SYT14: variants seen among roughly 807,000 people sequenced by gnomAD.
SYT14 encodes the protein synaptotagmin 14.
SYT14 carries 32 observed loss-of-function variants against 74.2 expected under a neutral mutation model. The ratio of observed to expected loss-of-function variants is 0.43; its 90% CI spans 0.33 to 0.58. The LOEUF (loss-of-function observed/expected upper bound fraction) is 0.58. Ranked by LOEUF, SYT14 falls within the 20% of genes least tolerant of loss-of-function variation. The probability of loss-of-function intolerance (pLI) is 0.05; values close to 1 mark genes in which losing one functional copy is unlikely to be tolerated. For synonymous variants in SYT14, 298 were observed against 337.7 expected (o/e 0.88, Z 1.29); for missense variants, 791 against 981.8 (o/e 0.81, Z 2.60).
chr1:209,939,645 A>G lies in SYT14; in HGVS notation c.-534+1368A>G, dbSNP rs532012894. ...TCCTTTTACCAAAGGTTAAAAATCAAGAAACCAAACCCACTGATTTATGTT... is the reference window on the plus strand; with the variant it reads ...TCCTTTTACCAAAGGTTAAAAATCAGGAAACCAAACCCACTGATTTATGTT... On this transcript the variant is annotated intron_variant, in intron 1 of 9. Coordinates refer to ENST00000637265, the Ensembl canonical transcript of SYT14. 2.6e-3 allele frequency among the ~76,000 whole-genome samples: 390 copies of G among 152,338 alleles called. 2 individuals carry two copies. Among genetic ancestry groups the G allele is most frequent in the African/African-American group, 8.9e-3 (371 of 41,574 alleles).
exon 10 of SYT14, chr1:210,163,876 A>G (rs780165208): frequency 5.1e-5 from 23 of 453,640 alleles, no homozygotes; most frequent in Non-Finnish European, 9.7e-5. Flanking sequence ...GCAAATAGGG[A>G]CCTACTGGTA....
intron 5 of SYT14, among the ~76,000 whole-genome samples, chr1:210,039,404 AAC>A (rs1219333366): frequency 6.6e-6 from 1 of 152,154 alleles, no homozygotes; most frequent in Admixed American, 6.6e-5. Flanking sequence ...TAAAGACTTA[AAC>A]GTAAGACCTA....
At chr1:209,970,676 T>TA (rs1558100236) in intron 2 of SYT14, among the ~76,000 whole-genome samples, 22 of 39,002 alleles carry the variant, frequency 5.6e-4, no homozygotes, top group African/African-American at 1.3e-3. Flanking sequence ...TTTTTTTTTT[T>TA]TTTTTTTTTT....
intron 2 of SYT14, among the ~76,000 whole-genome samples, chr1:209,965,437 C>G (rs552397301): frequency 1.3e-5 from 2 of 152,170 alleles, no homozygotes; most frequent in African/African-American, 4.8e-5. Flanking sequence ...ATATGTACCA[C>G]GTTTTCTTTA....
chr1:210,118,937 A>G (rs558606879), intron 7 of SYT14, among the ~76,000 whole-genome samples: 1 of 152,288 alleles, frequency 6.6e-6, no homozygotes, highest in African/African-American at 2.4e-5. Flanking sequence ...GCTAATCTAA[A>G]ATAACAATAA....
chr1:210,155,818 T>C (rs1441049237), exon 8 of SYT14: 2 of 1,614,028 alleles, frequency 1.2e-6, no homozygotes, highest in African/African-American at 1.3e-5. Context: ...GAAATTCTTA[T>C]TGGCCTGCTT....
At chr1:210,088,979 G>A (rs1234255714) in intron 5 of SYT14, among the ~76,000 whole-genome samples, 3 of 150,884 alleles carry the variant, frequency 2.0e-5, no homozygotes, top group Admixed American at 6.6e-5. Flanking sequence ...TGCTGCAACC[G>A]TCAATCTATC....
chr1:210,145,117 C>T (rs1180661937), intron 7 of SYT14, among the ~76,000 whole-genome samples: 2 of 152,150 alleles, frequency 1.3e-5, no homozygotes, highest in Non-Finnish European at 2.9e-5. Flanking sequence ...ATTACTACAA[C>T]TATAACGTGT....
exon 4 of SYT14, chr1:210,015,809 G>T: frequency 1.9e-6 from 2 of 1,051,684 alleles, no homozygotes; most frequent in Non-Finnish European, 2.4e-6. Flanking sequence ...TTTTCCGGAA[G>T]AATCTTTACT....
chr1:210,057,241 G>C (rs2081116754), intron 5 of SYT14, among the ~76,000 whole-genome samples: 1 of 152,136 alleles, frequency 6.6e-6, no homozygotes, highest in Admixed American at 6.5e-5. Context: ...TTCTCCCATT[G>C]TTTAAAACCT....
In SYT14 at chr1:209,996,220, A is replaced by G. The variant is rs1361019445; in HGVS notation, c.-485-17413A>G. On this transcript the variant is annotated intron_variant, in intron 2 of 9. Transcript: ENST00000637265. ...TTCCTTGAAAAATTAAACAAGACTC[A>G]TAGACTGCTAGCTAGATTAACAAAT... Among the ~76,000 whole-genome samples, 6 of 152,292 alleles carry G rather than the reference A, an allele frequency of 3.9e-5. No homozygotes were observed. In the South Asian group the frequency reaches 6.2e-4, roughly 16 times the overall value.
intron 2 of SYT14, among the ~76,000 whole-genome samples, chr1:209,987,038 C>T (rs778333673): frequency 6.6e-6 from 1 of 152,218 alleles, no homozygotes; most frequent in Non-Finnish European, 1.5e-5. Flanking sequence ...GTGTGTTTGT[C>T]ATTTCCATCT....
At chr1:210,060,743 T>C (rs2081192649) in intron 5 of SYT14, among the ~76,000 whole-genome samples, 1 of 152,074 alleles carries the variant, frequency 6.6e-6, no homozygotes, top group Non-Finnish European at 1.5e-5. Flanking sequence ...TGTCCTTTTT[T>C]AGGGCAATTT....
chr1:210,073,897 C>G (rs1421600179), intron 5 of SYT14, among the ~76,000 whole-genome samples: 1 of 148,770 alleles, frequency 6.7e-6, no homozygotes, highest in East Asian at 2.0e-4. Flanking sequence ...TTTGCATATA[C>G]TATCACAAAG....
chr1:209,950,092 G>C lies in SYT14; in HGVS notation c.-533-2617G>C, dbSNP rs570525660. 2.6e-5 allele frequency among the ~76,000 whole-genome samples: 4 copies of C among 152,216 alleles called. No homozygotes were observed. In the East Asian group the frequency reaches 7.7e-4, roughly 29 times the overall value. ...ATAATGCTGTTACAGTTAAGATTAG[G>C]TGTATGTGGTAAAACCTAATCAATT... On this transcript the variant is annotated intron_variant, in intron 1 of 9. Transcript: ENST00000637265.
At chr1:209,948,321 T>C (rs1254029470) in intron 1 of SYT14, among the ~76,000 whole-genome samples, 1 of 152,232 alleles carries the variant, frequency 6.6e-6, no homozygotes, top group Non-Finnish European at 1.5e-5. Flanking sequence ...CACTTATGTG[T>C]ATATTCATAC....
chr1:210,133,811 C>G (rs963147900), intron 7 of SYT14, among the ~76,000 whole-genome samples: 2 of 146,194 alleles, frequency 1.4e-5, no homozygotes, highest in African/African-American at 5.0e-5. Context: ...CAAAAGATGT[C>G]TTAGTCACAG....
At chr1:209,955,340 T>TC (rs1312506914) in intron 2 of SYT14, among the ~76,000 whole-genome samples, 1 of 152,218 alleles carries the variant, frequency 6.6e-6, no homozygotes, top group Non-Finnish European at 1.5e-5. Context: ...CTCAGTTTTC[T>TC]CCATCTCAGC....
Position 209,992,974 on chromosome 1 carries a change from C to G in SYT14, c.-485-20659C>G, listed in dbSNP as rs555168007. On this transcript the variant is annotated intron_variant, in intron 2 of 9. Transcript: ENST00000637265. ...CCTGGGAAAGAGGTGAATGAAGGAC[C>G]TGAGGGACAGCTCACTTTCACCACT... Among the ~76,000 whole-genome samples the G allele has an allele frequency of 6.6e-5, 10 of 152,240 alleles. No individual in the cohort carries two copies. In the East Asian group the frequency reaches 1.7e-3, roughly 27 times the overall value.
Sources: allele counts gnomAD v4.1 joint callset (sites outside exome capture counted in the v4.1 genomes callset), GRCh38; gene constraint gnomAD v4.1.1; transcripts MANE v1.5; gene names NCBI Gene and HGNC (gene_info 2026-07-23, HGNC 2026-07-21).